TRAF7: variants seen among roughly 807,000 people sequenced by gnomAD.
TRAF7 encodes E3 ubiquitin-protein ligase TRAF7.
In TRAF7, 45 loss-of-function variants were observed where a neutral mutation model predicts 89.3. The observed-to-expected ratio is 0.50, with a 90% CI of 0.40 to 0.65. The LOEUF is 0.65. TRAF7 is among the 30% of genes least tolerant of loss of function. The probability of loss-of-function intolerance (pLI) is 0.00; values close to 1 mark genes in which losing one functional copy is unlikely to be tolerated. For synonymous variants in TRAF7, 406 were observed against 369.2 expected (o/e 1.10, Z -1.14); for missense variants, 677 against 918.1 (o/e 0.74, Z 3.39).
intron 2 of TRAF7, 44 bp from the exon 3 acceptor site, chr16:2,165,835 T>C: frequency 6.2e-7 from 1 of 1,612,762 alleles, no homozygotes; most frequent in East Asian, 2.2e-5. Flanking sequence ...CACGTCCTCC[T>C]TGTGTCCCGG....
At chr16:2,171,495 C>A (rs2093110417) in intron 6 of TRAF7, 77 bp from the exon 7 acceptor site, 2 of 1,602,672 alleles carry the variant, frequency 1.2e-6, no homozygotes, top group Non-Finnish European at 1.7e-6. Context: ...TACAGCGAGG[C>A]CTGTGGCTGC....
At chr16:2,172,790 G>A (rs957969674) in intron 9 of TRAF7, among the ~76,000 whole-genome samples, 191 bp downstream of exon 9, 2 of 152,136 alleles carry the variant, frequency 1.3e-5, no homozygotes, top group African/African-American at 2.4e-5. Context: ...GAAGGCGGGC[G>A]TGGACGCTCC....
chr16:2,160,990 G>T (rs576280279), intron 1 of TRAF7, among the ~76,000 whole-genome samples: 41 of 152,224 alleles, frequency 2.7e-4, no homozygotes, highest in African/African-American at 9.1e-4. Flanking sequence ...GGACTGGGCT[G>T]AGGGGAGGCC....
intron 1 of TRAF7, among the ~76,000 whole-genome samples, chr16:2,156,603 A>C (rs943036353): frequency 2.6e-5 from 4 of 152,038 alleles, no homozygotes; most frequent in Admixed American, 2.0e-4. Flanking sequence ...CAGGAGGAGC[A>C]TTCCAAGTAG....
chr16:2,168,952 C>T lies in TRAF7; in HGVS notation c.231+784C>T, dbSNP rs2093097730. Among the ~76,000 whole-genome samples the T allele has an allele frequency of 6.6e-6, 1 of 152,162 alleles. No individual in the cohort carries two copies. On this transcript the variant is annotated intron_variant, in intron 4 of 20. Coordinates refer to ENST00000326181, the MANE Select transcript of TRAF7 (RefSeq NM_032271.3). This position sits in a 1 kb window ranked among gnomAD's most constrained non-coding sequence, Gnocchi z 4.1. ...TTGGACACCAGGTGTGGCGGCCCTG[C>T]TGGCCCTCTTGGGACCGAGGCCTTT...
intron 9 of TRAF7, 68 bp from the exon 10 acceptor site, chr16:2,173,114 G>C: frequency 1.4e-6 from 2 of 1,458,514 alleles, no homozygotes; most frequent in Non-Finnish European, 1.9e-6. Context: ...AGCATTTGAG[G>C]GGGATTCTTG....
chr16:2,156,370 T>G (rs189809488), intron 1 of TRAF7, among the ~76,000 whole-genome samples: 104 of 152,278 alleles, frequency 6.8e-4, no homozygotes, highest in Non-Finnish European at 1.4e-3. Context: ...AACAAATGTC[T>G]CCATGCATTG....
chr16:2,165,606 T>C (rs1596672082), intron 2 of TRAF7, among the ~76,000 whole-genome samples: 2 of 127,656 alleles, frequency 1.6e-5, no homozygotes, highest in Non-Finnish European at 1.6e-5. Context: ...AGCGTGTGAG[T>C]GCTGTGTGGC....
rs1221565415 is a variant in TRAF7, at chr16:2,163,328, C to T, written c.-38-555C>T. Among the ~76,000 whole-genome samples the T allele has an allele frequency of 6.6e-6, 1 of 152,206 alleles. No individual in the cohort carries two copies. Among genetic ancestry groups the T allele is most frequent in the African/African-American group, 2.4e-5 (1 of 41,454 alleles). On this transcript the variant is annotated intron_variant, in intron 1 of 20. Transcript: ENST00000326181. This position sits in a 1 kb window ranked among gnomAD's most constrained non-coding sequence, Gnocchi z 4.3. ...GTGCGGTTTGTGTGGAGTTGGGCTC[C>T]GGTGACTCACCCTGCAGGTTCTTTC...
At chr16:2,164,504 C>A (rs1447411316) in intron 2 of TRAF7, among the ~76,000 whole-genome samples, 2 of 134,406 alleles carry the variant, frequency 1.5e-5, no homozygotes, top group African/African-American at 5.7e-5. Flanking sequence ...GTGAGTGCTA[C>A]GTGGCCTGGC....
At position 2,163,899 on chromosome 16, in the gene TRAF7, A is replaced by T. The variant is rs1393301975; in HGVS notation, c.-22A>T. On this transcript the variant is annotated 5_prime_UTR_variant, in exon 2 of 21. Transcript: ENST00000326181. This position sits in a 1 kb window ranked among gnomAD's most constrained non-coding sequence, Gnocchi z 4.3. ...CACCCACAGGAGGTGCTTCCCAAGG[A>T]CCGTAGATGCCTCTCTAGAGCATGA... is the stretch of plus-strand genomic sequence containing the variant. The T allele has an allele frequency of 6.2e-7, 1 of 1,608,406 alleles. No individual in the cohort carries two copies. Among genetic ancestry groups the T allele is most frequent in the South Asian group, 1.1e-5 (1 of 90,398 alleles).
chr16:2,171,953 T>C (rs1187045392), intron 7 of TRAF7, among the ~76,000 whole-genome samples: 1 of 152,176 alleles, frequency 6.6e-6, no homozygotes, highest in Non-Finnish European at 1.5e-5. Flanking sequence ...CTCCGCACTC[T>C]GCCCTCTGCC....
In TRAF7 at chr16:2,159,298, C is replaced by T. The variant is rs1196046017; in HGVS notation, c.-39+3440C>T. Among the ~76,000 whole-genome samples, 1 of 151,874 alleles carries T rather than the reference C, an allele frequency of 6.6e-6. No homozygotes were observed. Among genetic ancestry groups the T allele is most frequent in the African/African-American group, 2.4e-5 (1 of 41,342 alleles). On this transcript the variant is annotated intron_variant, in intron 1 of 20. Coordinates refer to ENST00000326181, the MANE Select transcript of TRAF7 (RefSeq NM_032271.3). The surrounding 1 kb of genome is among the most constrained non-coding windows in gnomAD (Gnocchi z 6.5). ...GGGGGCAGGGACAGGCAAGGGGGTTCGCCGTGCTAGGAGGGAAGCGGGGCC... is the reference window on the plus strand; with the variant it reads ...GGGGGCAGGGACAGGCAAGGGGGTTTGCCGTGCTAGGAGGGAAGCGGGGCC...
chr16:2,168,683 T>C lies in TRAF7; in HGVS notation c.231+515T>C, dbSNP rs1368597207. ...GCCAAGTGCTGGGGGAGCCGGAGAA[T>C]TCCCTGTTGCTGGCTGTGTGAGGTG... On this transcript the variant is annotated intron_variant, in intron 4 of 20. Coordinates refer to ENST00000326181, the MANE Select transcript of TRAF7 (RefSeq NM_032271.3). This position sits in a 1 kb window ranked among gnomAD's most constrained non-coding sequence, Gnocchi z 4.1. Among the ~76,000 whole-genome samples the C allele has an allele frequency of 3.3e-5, 5 of 151,980 alleles. No individual in the cohort carries two copies. The highest frequency in any genetic ancestry group is 5.9e-5 in the Non-Finnish European group (4 of 67,984).
Position 2,162,598 on chromosome 16 carries a change from A to C in TRAF7, c.-38-1285A>C, listed in dbSNP as rs2093062247. ...TCAGGCCCCTGGGGCCTTGGTTTGCAGCCCGGCTTCCCCAGGGTGAGAGCA... is the reference window on the plus strand; with the variant it reads ...TCAGGCCCCTGGGGCCTTGGTTTGCCGCCCGGCTTCCCCAGGGTGAGAGCA... On this transcript the variant is annotated intron_variant, in intron 1 of 20. Coordinates refer to ENST00000326181, the MANE Select transcript of TRAF7 (RefSeq NM_032271.3). The surrounding 1 kb of genome is among the most constrained non-coding windows in gnomAD (Gnocchi z 5.0). Among the ~76,000 whole-genome samples the C allele has an allele frequency of 6.6e-6, 1 of 152,068 alleles. No homozygotes were observed. The highest frequency in any genetic ancestry group is 6.5e-5 in the Admixed American group (1 of 15,284).
At position 2,171,555 on chromosome 16, in the gene TRAF7, G is replaced by A. The variant is rs375895379; in HGVS notation, c.442-17G>A. 137 of 1,613,234 alleles carry A rather than the reference G, an allele frequency of 8.5e-5. No individual in the cohort carries two copies. The African/African-American group carries it at 1.5e-3, about 18-fold the overall frequency. ...AGGACCCTGCGCCACCCTCAAGCCC[G>A]CCCTTTGCCTCCACAGCACACGTTC... On this transcript the variant is annotated splice_polypyrimidine_tract_variant and intron_variant, in intron 6 of 20. Coordinates refer to ENST00000326181, the MANE Select transcript of TRAF7 (RefSeq NM_032271.3).
intron 13 of TRAF7, 28 bp downstream of exon 13, chr16:2,174,076 C>T: frequency 2.5e-6 from 4 of 1,611,002 alleles, no homozygotes; most frequent in Non-Finnish European, 3.4e-6. Flanking sequence ...TCAGTCTCTG[C>T]AGCCTGGCTG....
intron 9 of TRAF7, 52 bp from the exon 10 acceptor site, chr16:2,173,130 G>A (rs2093120557): frequency 6.5e-7 from 1 of 1,533,458 alleles, no homozygotes; most frequent in Non-Finnish European, 8.9e-7. Flanking sequence ...TCTTGGGGAT[G>A]GGGAGGCACC....
In TRAF7 at chr16:2,175,565, G is replaced by A. The variant is rs2093132152; in HGVS notation, c.1569G>A (p.Val523=). Residue 523 remains valine, a synonymous_variant, in exon 17 of 21, where the codon GTG becomes GTA. Transcript: ENST00000326181. ...AGCTCACAGGCCTCAACCACTGGGT[G>A]CGGGCCCTGGTGGCTGCCCAGAGCT... ...KKELTGLNHW[V]RALVAAQSYL... The A allele has an allele frequency of 6.2e-7, 1 of 1,613,034 alleles. No homozygotes were observed.
Sources: allele counts gnomAD v4.1 joint callset (sites outside exome capture counted in the v4.1 genomes callset), GRCh38; gene constraint gnomAD v4.1.1; non-coding constraint Gnocchi (gnomAD v3.1); transcripts MANE v1.5; gene names NCBI Gene and HGNC (gene_info 2026-07-23, HGNC 2026-07-21).